The following TENM1 variants were observed in gnomAD, a reference collection of about 807,000 sequenced individuals.
TENM1 encodes the protein teneurin-1.
Under a neutral mutation model 174.8 loss-of-function variants are expected in TENM1, and 35 were observed. The ratio of observed to expected loss-of-function variants is 0.20; its 90% CI spans 0.15 to 0.27. The LOEUF is 0.27. TENM1 is among the 10% of genes least tolerant of loss of function. The pLI is 1.00. For missense variants in TENM1, 1,633 were observed against 2,130.1 expected, an observed-to-expected ratio of 0.77 and a Z score of 4.59; for synonymous variants, 781 against 798.7, an observed-to-expected ratio of 0.98 and a Z score of 0.37.
At chrX:124,640,590 G>T (rs895503465) in intron 11 of TENM1, among the ~76,000 whole-genome samples, 1 of 111,798 alleles carries the variant, frequency 8.9e-6, no homozygotes, top group Non-Finnish European at 1.9e-5. Flanking sequence ...TATAATTCAG[G>T]CAAAAAGACA....
At position 124,652,234 on chromosome X, in the gene TENM1, A is replaced by G; in HGVS notation, c.1369-110T>C. 6.3e-6 allele frequency: 6 copies of G among 954,549 alleles called. No individual in the cohort carries two copies. The South Asian group carries it at 1.3e-4, about 20-fold the overall frequency. 78.7% of individuals were successfully genotyped at this position (954,549 alleles called of 1,213,427 possible). A position where few individuals can be genotyped will look rare whatever the true frequency, so the allele number is the denominator to read the frequency against. ...TACTTCTTTGCTTTGAAGTTGAGCA[A>G]ATTGGAAGAGGAGGTTATCAATTTT... On this transcript the variant is annotated intron_variant, in intron 7 of 31. Transcript: ENST00000422452.
intron 3 of TENM1, among the ~76,000 whole-genome samples, chrX:124,824,717 T>C (rs2056115989): frequency 8.9e-6 from 1 of 112,098 alleles, no homozygotes; most frequent in Non-Finnish European, 1.9e-5. Flanking sequence ...CTTCAAAATC[T>C]AACCACTCTT....
chrX:125,187,798 G>A, the TENM1 span, among the ~76,000 whole-genome samples: 1 of 111,082 alleles, frequency 9.0e-6, no homozygotes, highest in South Asian at 3.8e-4. Flanking sequence ...ATATGTCTGT[G>A]TGTATGCACA....
intron 23 of TENM1, among the ~76,000 whole-genome samples, chrX:124,433,938 AGTCCATGGT>A (rs1473181801): frequency 8.9e-6 from 1 of 112,154 alleles, no homozygotes; most frequent in Admixed American, 9.5e-5. Flanking sequence ...TATGTCTTAT[AGTCCATGGT>A]GTCTTAGAAT....
the TENM1 span, among the ~76,000 whole-genome samples, chrX:125,084,992 G>C: frequency 9.1e-6 from 1 of 110,456 alleles, no homozygotes; most frequent in African/African-American, 3.3e-5. Context: ...TCAGGGTTAG[G>C]TCCTCTAAGT....
intron 1 of TENM1, among the ~76,000 whole-genome samples, chrX:124,902,535 G>T (rs1244939873): frequency 8.9e-6 from 1 of 112,320 alleles, no homozygotes; most frequent in African/African-American, 3.2e-5. Flanking sequence ...ACTGGCTCCA[G>T]GGAAAAATGC....
chrX:124,558,732 C>T (rs2048747264), intron 14 of TENM1, among the ~76,000 whole-genome samples: 1 of 110,930 alleles, frequency 9.0e-6, no homozygotes, highest in African/African-American at 3.3e-5. Flanking sequence ...TCTATCTTTC[C>T]ATCTCAAAGT....
the TENM1 span, among the ~76,000 whole-genome samples, chrX:125,176,465 A>G: frequency 1.8e-5 from 2 of 111,452 alleles, no homozygotes; most frequent in African/African-American, 6.5e-5. Context: ...AGCAGTTACC[A>G]CACTTACAGT....
At chrX:124,594,637 C>T (rs778912849) in intron 11 of TENM1, among the ~76,000 whole-genome samples, 14 of 111,732 alleles carry the variant, frequency 1.3e-4, no homozygotes, top group South Asian at 7.6e-4. Context: ...ATTTCTTTCA[C>T]GATAGTAACC....
chrX:124,419,165 T>C (rs920292234), intron 25 of TENM1, among the ~76,000 whole-genome samples: 2 of 112,376 alleles, frequency 1.8e-5, no homozygotes, highest in Admixed American at 1.9e-4. Context: ...AACAACTGAA[T>C]ACATTTTTCT....
At chrX:124,909,802 G>C (rs1301839792) in intron 1 of TENM1, among the ~76,000 whole-genome samples, 1 of 112,069 alleles carries the variant, frequency 8.9e-6, no homozygotes, top group African/African-American at 3.2e-5. Flanking sequence ...GGAGAGTTTT[G>C]AAATTATTTA....
the TENM1 span, among the ~76,000 whole-genome samples, chrX:125,149,344 C>A: frequency 9.0e-6 from 1 of 111,691 alleles, no homozygotes; most frequent in Non-Finnish European, 1.9e-5. Context: ...GAATTAACTT[C>A]CTCTATCTGC....
At chrX:125,085,902 A>G in the TENM1 span, among the ~76,000 whole-genome samples, 3 of 110,896 alleles carry the variant, frequency 2.7e-5, no homozygotes, top group Non-Finnish European at 5.7e-5. Context: ...CTATATGCTT[A>G]TGATTAGAAA....
chrX:124,496,890 T>G, intron 20 of TENM1, 126 bp downstream of exon 23: 7 of 680,131 alleles, frequency 1.0e-5, no homozygotes, highest in Non-Finnish European at 1.6e-5. Context: ...TTCCTGCATC[T>G]TAACTCAGTG....
the TENM1 span, among the ~76,000 whole-genome samples, chrX:125,160,800 T>C: frequency 2.8e-5 from 3 of 109,055 alleles, no homozygotes; most frequent in South Asian, 3.9e-4. Flanking sequence ...TTATAGAGGA[T>C]GTAGAGAAAT....
intron 3 of TENM1, among the ~76,000 whole-genome samples, chrX:124,747,149 CAATAAATAAATAAATA>C (rs201159170): frequency 7.0e-5 from 7 of 99,846 alleles, no homozygotes; most frequent in Non-Finnish European, 1.2e-4. Context: ...AAGACTATTT[CAATAAATAAATAAATA>C]AATAAATAAA....
intron 3 of TENM1, among the ~76,000 whole-genome samples, chrX:124,799,243 G>C (rs367930707): frequency 1.8e-5 from 2 of 111,150 alleles, no homozygotes; most frequent in African/African-American, 6.5e-5. Context: ...GTCAATGGTA[G>C]TTTAATGGGA....
At chrX:125,198,139 G>A in the TENM1 span, among the ~76,000 whole-genome samples, 10 of 111,922 alleles carry the variant, frequency 8.9e-5, no homozygotes, top group African/African-American at 2.9e-4. Flanking sequence ...CAACTTAGTC[G>A]AATAAAATTA....
intron 6 of TENM1, among the ~76,000 whole-genome samples, chrX:124,656,952 T>TA (rs927194279): frequency 7.6e-4 from 80 of 105,102 alleles, no homozygotes; most frequent in African/African-American, 2.3e-3. Context: ...TGTCTCCAGT[T>TA]AAAAAAAAAA....
Sources: gnomAD v4.1 joint callset for allele counts (sites outside exome capture counted in the v4.1 genomes callset) on GRCh38, gnomAD v4.1.1 for gene constraint, MANE v1.5 for transcripts, NCBI Gene and HGNC (gene_info 2026-07-23, HGNC 2026-07-21) for gene names.